Variants in IRAK1BP1 observed in about 807,000 individuals in gnomAD.
IRAK1BP1 encodes the protein interleukin-1 receptor-associated kinase 1-binding protein 1.
In IRAK1BP1, 24 loss-of-function variants were observed where a neutral mutation model predicts 28.0. The ratio of observed to expected loss-of-function variants is 0.86; its 90% CI spans 0.62 to 1.20. IRAK1BP1 has a LOEUF of 1.20. Among genes scored for constraint, IRAK1BP1 ranks in the 50% most tolerant of loss-of-function variants. The pLI, the probability that IRAK1BP1 is intolerant of heterozygous loss-of-function variation, is 0.00. For missense variants in IRAK1BP1, 336 were observed against 316.7 expected (o/e 1.06, Z -0.46); for synonymous variants, 131 against 116.3 (o/e 1.13, Z -0.81).
At chr6:78,962,206 C>T in the IRAK1BP1 span, among the ~76,000 whole-genome samples, 1 of 151,986 alleles carries the variant, frequency 6.6e-6, no homozygotes, top group African/African-American at 2.4e-5. Flanking sequence ...CAAACGTATC[C>T]CTTTATCTCA....
the IRAK1BP1 span, among the ~76,000 whole-genome samples, chr6:78,962,807 A>AT: frequency 6.6e-6 from 1 of 152,252 alleles, no homozygotes. Context: ...CAGCCTGAAT[A>AT]TGTCAAGTGT....
Position 78,898,130 on chromosome 6 carries a change from T to G in IRAK1BP1, c.579T>G (p.Val193=). 6.2e-7 allele frequency: 1 copy of G among 1,613,950 alleles called. No individual in the cohort carries two copies. Among genetic ancestry groups the G allele is most frequent in the Non-Finnish European group, 8.5e-7 (1 of 1,179,972 alleles). ...AAGCTCAAGAAGTCTGTAACCTTGT[T>G]GGCCAAACCTTAGGAAAACCTTTAC... The part of the protein sequence containing the change: ...WRKAQEVCNL[V]GQTLGKPLLI... Residue 193 remains valine, a synonymous_variant, in exon 4 of 4, where the codon GTT becomes GTG. Transcript: ENST00000369940.
intron 1 of IRAK1BP1, among the ~76,000 whole-genome samples, chr6:78,870,921 G>C (rs1406355964): frequency 1.3e-5 from 2 of 152,008 alleles, no homozygotes; most frequent in Non-Finnish European, 2.9e-5. Context: ...GTGTTGGCCA[G>C]GCTGGTCTCG....
chr6:78,917,369 A>T (rs7756648), intron 4 of IRAK1BP1, among the ~76,000 whole-genome samples: 51,020 of 151,704 alleles, frequency 0.34, 8,711 homozygotes, highest in Non-Finnish European at 0.35. Context: ...ACAAAAGTAA[A>T]GAAAAAATAA....
chr6:78,935,633 T>C, intron 4 of IRAK1BP1: 1 of 982,788 alleles, frequency 1.0e-6, no homozygotes, highest in Non-Finnish European at 1.2e-6. Context: ...GTTTTTGACC[T>C]TCAGTTGTTT....
intron 1 of IRAK1BP1, among the ~76,000 whole-genome samples, chr6:78,882,415 GTAACT>G (rs1022206964): frequency 2.6e-5 from 4 of 152,136 alleles, no homozygotes; most frequent in African/African-American, 9.7e-5. Flanking sequence ...GGGGAAAATA[GTAACT>G]TTACAGTGGA....
the IRAK1BP1 span, among the ~76,000 whole-genome samples, chr6:78,953,707 C>T: frequency 0.096 from 14,610 of 152,110 alleles, 739 homozygotes; most frequent in Middle Eastern, 0.19. Flanking sequence ...GATGAAATTT[C>T]TTTATTTTCA....
intron 4 of IRAK1BP1, among the ~76,000 whole-genome samples, chr6:78,929,829 T>G (rs1772993526): frequency 6.6e-6 from 1 of 152,240 alleles, no homozygotes; most frequent in Non-Finnish European, 1.5e-5. Context: ...CTTCTTATAT[T>G]GGTCCACTGA....
chr6:78,964,059 T>G, the IRAK1BP1 span, among the ~76,000 whole-genome samples: 7 of 152,206 alleles, frequency 4.6e-5, no homozygotes, highest in Admixed American at 3.9e-4. Flanking sequence ...TAACACCAAC[T>G]GGCTGCATTG....
At chr6:78,875,909 A>G (rs1241339823) in intron 1 of IRAK1BP1, among the ~76,000 whole-genome samples, 3 of 152,188 alleles carry the variant, frequency 2.0e-5, no homozygotes, top group Non-Finnish European at 2.9e-5. Flanking sequence ...ATGTTTTCCC[A>G]GAAGATTTTA....
chr6:78,893,719 A>G (rs777356196), intron 2 of IRAK1BP1, among the ~76,000 whole-genome samples: 23 of 152,196 alleles, frequency 1.5e-4, no homozygotes, highest in East Asian at 5.8e-4. Flanking sequence ...CCTGGCCAAC[A>G]TGGCGAAACC....
chr6:78,911,198 T>C (rs1772408442), intron 4 of IRAK1BP1, among the ~76,000 whole-genome samples: 1 of 152,032 alleles, frequency 6.6e-6, no homozygotes, highest in African/African-American at 2.4e-5. Flanking sequence ...CCCCGCAAAT[T>C]ACCTACTCCA....
At chr6:78,954,177 C>T in the IRAK1BP1 span, among the ~76,000 whole-genome samples, 1 of 152,048 alleles carries the variant, frequency 6.6e-6, no homozygotes, top group Non-Finnish European at 1.5e-5. Context: ...TCTCGGCTCA[C>T]TGCAAGCTCC....
chr6:78,970,203 T>C, the IRAK1BP1 span: 7 of 1,593,258 alleles, frequency 4.4e-6, no homozygotes, highest in Non-Finnish European at 4.3e-6. Flanking sequence ...TAAGGAACCA[T>C]CTTTACAAAA....
At chr6:78,975,064 C>A in the IRAK1BP1 span, among the ~76,000 whole-genome samples, 1 of 151,070 alleles carries the variant, frequency 6.6e-6, no homozygotes, top group Non-Finnish European at 1.5e-5. Flanking sequence ...GGCAGAGACA[C>A]AACCAAAAAA....
chr6:78,873,049 A>G (rs1394443650), intron 1 of IRAK1BP1, among the ~76,000 whole-genome samples: 2 of 151,904 alleles, frequency 1.3e-5, no homozygotes, highest in East Asian at 3.9e-4. Flanking sequence ...TGAGATCAGG[A>G]GTTCAAGGCC....
chr6:78,892,136 C>T (rs1021099301), intron 2 of IRAK1BP1, among the ~76,000 whole-genome samples: 15 of 152,158 alleles, frequency 9.9e-5, no homozygotes, highest in African/African-American at 3.6e-4. Context: ...ACTTGAAGTT[C>T]ATTTTCATAT....
At chr6:78,970,133 A>G in the IRAK1BP1 span, 1 of 1,611,870 alleles carries the variant, frequency 6.2e-7, no homozygotes, top group Non-Finnish European at 8.5e-7. Context: ...AGGTAATCCC[A>G]CTTCATACTT....
the IRAK1BP1 span, chr6:78,955,816 C>A: frequency 6.4e-6 from 3 of 465,514 alleles, no homozygotes; most frequent in Non-Finnish European, 1.2e-5. Context: ...TTGGCTTACT[C>A]CAATAATTTA....
Sources: allele counts gnomAD v4.1 joint callset (sites outside exome capture counted in the v4.1 genomes callset), GRCh38; gene constraint gnomAD v4.1.1; transcripts MANE v1.5; gene names NCBI Gene and HGNC (gene_info 2026-07-23, HGNC 2026-07-21).